GRID2: variants seen among roughly 807,000 people sequenced by gnomAD.
The protein encoded by GRID2 is glutamate ionotropic receptor delta type subunit 2, also known as glutamate receptor ionotropic, delta-2.
In GRID2, 33 loss-of-function variants were observed where a neutral mutation model predicts 114.8. That is an observed-to-expected ratio of 0.29 (90% CI 0.22 to 0.38). The LOEUF is 0.38. Ranked by LOEUF, GRID2 falls within the 10% of genes least tolerant of loss-of-function variation. The pLI is 1.00. For missense variants in GRID2, 1,184 were observed against 1,257.7 expected, an observed-to-expected ratio of 0.94 and a Z score of 0.89; for synonymous variants, 505 against 449.9, an observed-to-expected ratio of 1.12 and a Z score of -1.55.
At chr4:92,937,221 T>G (rs1239029373) in intron 2 of GRID2, among the ~76,000 whole-genome samples, 2 of 146,824 alleles carry the variant, frequency 1.4e-5, no homozygotes, top group African/African-American at 2.4e-5. Context: ...TATTTTTCTT[T>G]CATTGCTCAT....
intron 3 of GRID2, among the ~76,000 whole-genome samples, chr4:93,106,299 G>A (rs1284747481): frequency 1.3e-5 from 2 of 152,148 alleles, no homozygotes; most frequent in African/African-American, 4.8e-5. Context: ...TGATTGTGAT[G>A]TGTGATGATG....
chr4:92,441,952 G>A (rs1393496057), intron 1 of GRID2, among the ~76,000 whole-genome samples: 2 of 151,816 alleles, frequency 1.3e-5, no homozygotes, highest in Non-Finnish European at 2.9e-5. Flanking sequence ...AAGGGAACTG[G>A]GCAGGTGGGG....
At chr4:92,848,886 CT>C (rs1743544254) in intron 2 of GRID2, among the ~76,000 whole-genome samples, 1 of 151,856 alleles carries the variant, frequency 6.6e-6, no homozygotes, top group African/African-American at 2.4e-5. Context: ...TGTGAGGACA[CT>C]GTGAGGGAGT....
At chr4:93,080,100 T>C (rs2149316501) in intron 2 of GRID2, among the ~76,000 whole-genome samples, 1 of 152,218 alleles carries the variant, frequency 6.6e-6, no homozygotes, top group East Asian at 1.9e-4. Flanking sequence ...ATGTCACATC[T>C]CAGATGGTTG....
chr4:93,710,009 GC>G (rs1728346323), intron 14 of GRID2, among the ~76,000 whole-genome samples: 1 of 152,048 alleles, frequency 6.6e-6, no homozygotes, highest in East Asian at 1.9e-4. Context: ...CCTTAAAACA[GC>G]CATTTTGAAT....
intron 15 of GRID2, among the ~76,000 whole-genome samples, chr4:93,771,145 TAAG>T (rs1734074530): frequency 6.6e-6 from 1 of 152,196 alleles, no homozygotes; most frequent in South Asian, 2.1e-4. Flanking sequence ...TGGCTGTAAA[TAAG>T]ACTAATAACA....
chr4:92,943,611 A>G (rs1751358676), intron 2 of GRID2, among the ~76,000 whole-genome samples: 2 of 152,006 alleles, frequency 1.3e-5, no homozygotes, highest in African/African-American at 4.8e-5. Flanking sequence ...GCTTTGTTCC[A>G]TTGCTGGTGA....
intron 2 of GRID2, among the ~76,000 whole-genome samples, chr4:92,893,334 G>T (rs772396306): frequency 6.6e-6 from 1 of 152,118 alleles, no homozygotes; most frequent in Non-Finnish European, 1.5e-5. Context: ...CTTCTTGTTC[G>T]TTCCTTCAGA....
At chr4:93,004,342 A>C (rs1202919667) in intron 2 of GRID2, among the ~76,000 whole-genome samples, 1 of 151,994 alleles carries the variant, frequency 6.6e-6, no homozygotes, top group Non-Finnish European at 1.5e-5. Flanking sequence ...TTTGGAAAAT[A>C]GAAGCAACTG....
chr4:93,557,787 T>A (rs1734464715), intron 13 of GRID2, among the ~76,000 whole-genome samples: 1 of 152,170 alleles, frequency 6.6e-6, no homozygotes, highest in Admixed American at 6.5e-5. Flanking sequence ...GAACATACAT[T>A]CTTCCCAGCA....
chr4:93,467,562 A>G (rs1724414005), intron 11 of GRID2, among the ~76,000 whole-genome samples: 1 of 152,162 alleles, frequency 6.6e-6, no homozygotes, highest in African/African-American at 2.4e-5. Context: ...CTAAATATAA[A>G]AGTCATTTTG....
chr4:92,663,551 A>AT (rs576487894), intron 2 of GRID2, among the ~76,000 whole-genome samples: 254 of 151,232 alleles, frequency 1.7e-3, no homozygotes, highest in Admixed American at 5.2e-3. Context: ...ATATTGTGTC[A>AT]TTTTTTGGAA....
At chr4:92,731,464 T>A (rs1736325905) in intron 2 of GRID2, among the ~76,000 whole-genome samples, 1 of 151,936 alleles carries the variant, frequency 6.6e-6, no homozygotes, top group South Asian at 2.1e-4. Context: ...TGAAATACAG[T>A]GTATTCAGAA....
intron 1 of GRID2, among the ~76,000 whole-genome samples, chr4:92,326,007 A>G (rs779476627): frequency 2.0e-5 from 3 of 151,846 alleles, no homozygotes; most frequent in Non-Finnish European, 4.4e-5. Flanking sequence ...ATGTAAGATA[A>G]TTCTACACAT....
chr4:93,013,293 G>T (rs889380543), intron 2 of GRID2, among the ~76,000 whole-genome samples: 10 of 151,900 alleles, frequency 6.6e-5, no homozygotes, highest in African/African-American at 2.4e-4. Flanking sequence ...TTCTTTTGTT[G>T]GTTGAGTTTT....
At chr4:93,131,710 G>T (rs1034672860) in intron 4 of GRID2, among the ~76,000 whole-genome samples, 4 of 151,968 alleles carry the variant, frequency 2.6e-5, no homozygotes, top group African/African-American at 9.7e-5. Flanking sequence ...AATCTGTAAT[G>T]ATTAAATCTG....
At chr4:93,154,143 C>A (rs953089343) in intron 4 of GRID2, among the ~76,000 whole-genome samples, 1 of 151,954 alleles carries the variant, frequency 6.6e-6, no homozygotes. Context: ...AATAATTGAA[C>A]AAATTCACCC....
intron 1 of GRID2, among the ~76,000 whole-genome samples, chr4:92,495,206 T>C (rs933826933): frequency 1.3e-5 from 2 of 151,978 alleles, no homozygotes; most frequent in African/African-American, 4.8e-5. Context: ...CATAAAATTA[T>C]CTGGAATACA....
chr4:92,444,293 C>T (rs556699277), intron 1 of GRID2, among the ~76,000 whole-genome samples: 3 of 151,926 alleles, frequency 2.0e-5, no homozygotes, highest in Non-Finnish European at 4.4e-5. Flanking sequence ...AGGCTGAGTC[C>T]GTAAAGAGAG....
Sources: allele counts gnomAD v4.1 joint callset (sites outside exome capture counted in the v4.1 genomes callset), GRCh38; gene constraint gnomAD v4.1.1; transcripts MANE v1.5; gene names NCBI Gene and HGNC (gene_info 2026-07-23, HGNC 2026-07-21).